PHKB: variants seen among roughly 807,000 people sequenced by gnomAD.
The protein encoded by PHKB is phosphorylase kinase regulatory subunit beta.
A neutral mutation model predicts 152.1 loss-of-function variants in PHKB; 122 were observed. That is an observed-to-expected ratio of 0.80 (90% CI 0.69 to 0.93). The LOEUF (loss-of-function observed/expected upper bound fraction) is 0.93, where lower values mean the gene tolerates loss of function less well. Ranked by LOEUF, PHKB falls within the 40% of genes least tolerant of loss-of-function variation. The pLI, the probability that PHKB is intolerant of heterozygous loss-of-function variation, is 0.00. For missense variants in PHKB, 1,304 were observed against 1,328.4 expected (o/e 0.98, Z 0.29); for synonymous variants, 436 against 464.9 (o/e 0.94, Z 0.80).
At chr16:47,531,101 T>C (rs938555130) in intron 6 of PHKB, among the ~76,000 whole-genome samples, 2 of 152,104 alleles carry the variant, frequency 1.3e-5, no homozygotes, top group Admixed American at 6.5e-5. Context: ...GCTAGACATA[T>C]TGTCAGTGGA....
chr16:47,502,389 A>G (rs970448924), intron 3 of PHKB, among the ~76,000 whole-genome samples: 3 of 152,208 alleles, frequency 2.0e-5, no homozygotes, highest in African/African-American at 7.2e-5. Flanking sequence ...TTTTAAAAGC[A>G]AGAGATGTAA....
intron 27 of PHKB, among the ~76,000 whole-genome samples, 166 bp from the exon 28 acceptor site, chr16:47,693,212 A>C (rs1350801417): frequency 1.3e-5 from 2 of 152,178 alleles, no homozygotes; most frequent in Admixed American, 6.6e-5. Flanking sequence ...CCCTGTTTTC[A>C]TTATGAAATA....
chr16:47,545,991 A>G lies in PHKB; in HGVS notation c.595-1442A>G, dbSNP rs1371802385. Reference sequence around the variant, plus strand: ...CTGTTTATTCTAGTTAGCCATTCATATAATCTTTTTTCAAAGTTTTTAGCT... The same window carrying G: ...CTGTTTATTCTAGTTAGCCATTCATGTAATCTTTTTTCAAAGTTTTTAGCT... On this transcript the variant is annotated intron_variant, in intron 6 of 30. Coordinates refer to ENST00000323584, the MANE Select transcript of PHKB (RefSeq NM_000293.3). 5.9e-5 allele frequency among the ~76,000 whole-genome samples: 9 copies of G among 152,202 alleles called. No homozygotes were observed. In the South Asian group the frequency reaches 1.4e-3, roughly 24 times the overall value.
At chr16:47,554,869 G>T (rs1555482089) in intron 7 of PHKB, among the ~76,000 whole-genome samples, 1 of 152,162 alleles carries the variant, frequency 6.6e-6, no homozygotes, top group Non-Finnish European at 1.5e-5. Flanking sequence ...CAGTCCCAGT[G>T]AGATGAGCTG....
At chr16:47,577,003 T>A (rs1256829292) in intron 7 of PHKB, among the ~76,000 whole-genome samples, 1 of 152,102 alleles carries the variant, frequency 6.6e-6, no homozygotes, top group African/African-American at 2.4e-5. Context: ...TTGTCTTTTT[T>A]AATGTTATTT....
At chr16:47,521,472 G>A (rs747179724) in intron 6 of PHKB, among the ~76,000 whole-genome samples, 1 of 152,132 alleles carries the variant, frequency 6.6e-6, no homozygotes, top group East Asian at 1.9e-4. Context: ...TGACCAATGT[G>A]ATGAAACCCT....
intron 14 of PHKB, among the ~76,000 whole-genome samples, chr16:47,633,149 C>T (rs1481943969): frequency 6.6e-6 from 1 of 151,998 alleles, no homozygotes; most frequent in Non-Finnish European, 1.5e-5. Context: ...GGTCCTAAAC[C>T]ATATTGTTAC....
intron 6 of PHKB, among the ~76,000 whole-genome samples, chr16:47,520,330 A>G (rs542563727): frequency 6.6e-6 from 1 of 152,370 alleles, no homozygotes; most frequent in Non-Finnish European, 1.5e-5. Context: ...AGTGCTTTGC[A>G]TATAGAAAAA....
intron 7 of PHKB, among the ~76,000 whole-genome samples, chr16:47,567,098 C>G (rs1597091312): frequency 6.6e-6 from 1 of 152,132 alleles, no homozygotes; most frequent in East Asian, 1.9e-4. Flanking sequence ...GCATATGAAC[C>G]TTAGGATTGT....
chr16:47,601,671 C>T (rs1030352911), intron 13 of PHKB, among the ~76,000 whole-genome samples: 5 of 151,706 alleles, frequency 3.3e-5, no homozygotes, highest in African/African-American at 1.2e-4. Context: ...TGCCACTGCA[C>T]TCCAGCCTGG....
Position 47,503,087 on chromosome 16 carries a change from T to C in PHKB, c.402T>C (p.Asp134=), listed in dbSNP as rs1970350922. 6.3e-7 allele frequency: 1 copy of C among 1,587,960 alleles called. No homozygotes were observed. Among genetic ancestry groups the C allele is most frequent in the Non-Finnish European group, 8.6e-7 (1 of 1,156,188 alleles). ...TCTACTGCTATATGCGTCAGGCCGA[T>C]AAGGTAAAACATTGTGGTGTGGACG... The part of the protein sequence containing the change: ...GILYCYMRQA[D]KVQQFKQDPR... Residue 134 remains aspartate (D), a synonymous_variant, in exon 4 of 31, where the codon GAT becomes GAC. Coordinates refer to ENST00000323584, the MANE Select transcript of PHKB (RefSeq NM_000293.3).
chr16:47,558,644 G>A (rs903332950), intron 7 of PHKB, among the ~76,000 whole-genome samples: 1 of 152,204 alleles, frequency 6.6e-6, no homozygotes, highest in African/African-American at 2.4e-5. Context: ...CTGCTCTTGG[G>A]TTCAAGCAAG....
chr16:47,498,964 T>C (rs2151642437), intron 2 of PHKB, among the ~76,000 whole-genome samples: 1 of 152,298 alleles, frequency 6.6e-6, no homozygotes, highest in Admixed American at 6.5e-5. Context: ...GGAAAAGCAT[T>C]ACCCATCCAT....
intron 13 of PHKB, among the ~76,000 whole-genome samples, chr16:47,601,020 T>C (rs1247918265): frequency 6.6e-6 from 1 of 152,082 alleles, no homozygotes; most frequent in Non-Finnish European, 1.5e-5. Context: ...TTAGTAGAGA[T>C]GGGGTTTCAC....
intron 13 of PHKB, among the ~76,000 whole-genome samples, chr16:47,601,716 A>C (rs1972230930): frequency 3.3e-5 from 5 of 152,064 alleles, no homozygotes; most frequent in Admixed American, 3.3e-4. Context: ...AAAAAAAAAA[A>C]AACTGACTTC....
intron 26 of PHKB, among the ~76,000 whole-genome samples, chr16:47,669,620 C>T (rs1318297154): frequency 1.3e-5 from 2 of 152,186 alleles, no homozygotes; most frequent in Non-Finnish European, 2.9e-5. Context: ...GTTTATTTCA[C>T]ACCCGAGTTA....
At chr16:47,622,291 T>G (rs1484606242) in intron 14 of PHKB, among the ~76,000 whole-genome samples, 1 of 152,196 alleles carries the variant, frequency 6.6e-6, no homozygotes, top group African/African-American at 2.4e-5. Context: ...ATTCACATTT[T>G]TAAAGGTCTA....
intron 4 of PHKB, among the ~76,000 whole-genome samples, chr16:47,507,711 A>G (rs556234338): frequency 3.9e-5 from 6 of 152,274 alleles, no homozygotes; most frequent in Admixed American, 6.5e-5. Context: ...TTTCTTTCCT[A>G]TGTAGCTATG....
intron 24 of PHKB, 96 bp from the exon 25 acceptor site, chr16:47,664,789 C>G (rs776432480): frequency 1.3e-6 from 1 of 782,098 alleles, no homozygotes; most frequent in Non-Finnish European, 2.3e-6. Context: ...CATTAACTAG[C>G]AAACATTTAG....
Sources: gnomAD v4.1 joint callset for allele counts (sites outside exome capture counted in the v4.1 genomes callset) on GRCh38, gnomAD v4.1.1 for gene constraint, MANE v1.5 for transcripts, NCBI Gene and HGNC (gene_info 2026-07-23, HGNC 2026-07-21) for gene names.